Variants in PPP1R12B observed in about 807,000 individuals in gnomAD.
The protein encoded by PPP1R12B is myosin phosphatase target subunit 2.
A neutral mutation model predicts 126.1 loss-of-function variants in PPP1R12B; 76 were observed. That is an observed-to-expected ratio of 0.60 (90% confidence interval 0.50 to 0.73). The LOEUF (loss-of-function observed/expected upper bound fraction) is 0.73. PPP1R12B is among the 30% of genes least tolerant of loss of function. PPP1R12B has a pLI of 0.00. For missense variants in PPP1R12B, 1,052 were observed against 1,205.1 expected (o/e 0.87, Z 1.88); for synonymous variants, 356 against 434.7 (o/e 0.82, Z 2.25).
At chr1:202,531,896 C>T (rs1347341531) in intron 18 of PPP1R12B, among the ~76,000 whole-genome samples, 1 of 152,130 alleles carries the variant, frequency 6.6e-6, no homozygotes, top group Non-Finnish European at 1.5e-5. Context: ...AGAAAGGGTT[C>T]TTAGATCTCA....
At chr1:202,501,914 A>G in intron 18 of PPP1R12B, 1 of 984,908 alleles carries the variant, frequency 1.0e-6, no homozygotes, top group Non-Finnish European at 1.2e-6. Flanking sequence ...TGAGTGAAGG[A>G]ACGTCTTCTT....
At chr1:202,564,639 A>T in intron 21 of PPP1R12B, 92 bp downstream of exon 21, 1 of 1,041,202 alleles carries the variant, frequency 9.6e-7, no homozygotes, top group Non-Finnish European at 1.4e-6. Flanking sequence ...GAAGTAAGAT[A>T]GAGTCAAGAT....
At chr1:202,563,634 A>G (rs1303159574) in intron 20 of PPP1R12B, among the ~76,000 whole-genome samples, 1 of 151,848 alleles carries the variant, frequency 6.6e-6, no homozygotes, top group Non-Finnish European at 1.5e-5. Context: ...AGTAAAAAAA[A>G]AAAAAAAAAA....
At position 202,440,768 on chromosome 1, in the gene PPP1R12B, T is replaced by C. The variant is rs1009113360; in HGVS notation, c.1521T>C (p.Asp507=). ...CCCGGAAGCTCAACAGCACAAGTGA[T>C]ATTGAAGAAAAGGAGAACAGGTAAT... The part of the protein sequence containing the change: ...LAPRKLNSTS[D]IEEKENRESA... Residue 507 remains aspartate (D), a synonymous_variant, in exon 11 of 24, where the codon GAT becomes GAC. Coordinates refer to ENST00000608999, the MANE Select transcript of PPP1R12B (RefSeq NM_002481.4). 4 of 1,613,888 alleles carry C rather than the reference T, an allele frequency of 2.5e-6. No individual in the cohort carries two copies. Among genetic ancestry groups the C allele is most frequent in the South Asian group, 1.1e-5 (1 of 91,068 alleles).
Position 202,482,528 on chromosome 1 carries a change from A to G in PPP1R12B, c.1851-6005A>G, listed in dbSNP as rs368137100. Among the ~76,000 whole-genome samples, 6 of 152,268 alleles carry G rather than the reference A, an allele frequency of 3.9e-5. No homozygotes were observed. The South Asian group carries it at 1.2e-3, about 32-fold the overall frequency. Reference sequence around the variant, plus strand: ...TTTCATATACTCATTAGCCATTTGTATGACTTCTTTTGAGAAGTAAATGTC... The same window carrying G: ...TTTCATATACTCATTAGCCATTTGTGTGACTTCTTTTGAGAAGTAAATGTC... On this transcript the variant is annotated intron_variant, in intron 13 of 23. Transcript: ENST00000608999.
chr1:202,590,132 AC>A lies in PPP1R12B; in HGVS notation c.*9573del, dbSNP rs2149055352. 6.6e-6 allele frequency: 1 copy of A among 152,330 alleles called. No homozygotes were observed. The highest frequency in any genetic ancestry group is 1.5e-5 in the Non-Finnish European group (1 of 68,038). The allele number at this position is 152,330 out of a possible 1,614,324, so 9.4% of individuals were successfully genotyped here. On this transcript the variant is annotated 3_prime_UTR_variant, in exon 24 of 24. Coordinates refer to ENST00000608999, the MANE Select transcript of PPP1R12B (RefSeq NM_002481.4). ...ATTTCAAGTTATTTGCAAAGAGTCA[AC>A]TGAGGACTTTGTAGAAATTGTTACT...
intron 23 of PPP1R12B, among the ~76,000 whole-genome samples, chr1:202,572,408 G>T (rs1688688358): frequency 6.6e-6 from 1 of 152,170 alleles, no homozygotes; most frequent in Non-Finnish European, 1.5e-5. Context: ...AAGTACAAAG[G>T]CCAGGTGAAA....
At chr1:202,389,664 C>A (rs1296575114) in intron 1 of PPP1R12B, among the ~76,000 whole-genome samples, 1 of 150,938 alleles carries the variant, frequency 6.6e-6, no homozygotes, top group African/African-American at 2.4e-5. Flanking sequence ...GAAGGCCGGG[C>A]GAGGTGGCTA....
At chr1:202,489,222 A>T (rs1678552453) in intron 14 of PPP1R12B, among the ~76,000 whole-genome samples, 1 of 152,224 alleles carries the variant, frequency 6.6e-6, no homozygotes, top group Non-Finnish European at 1.5e-5. Flanking sequence ...CCTTCACAAG[A>T]TTAATTATTC....
chr1:202,563,626 TAAAAA>T (rs56149958), intron 20 of PPP1R12B, among the ~76,000 whole-genome samples: 1 of 120,390 alleles, frequency 8.3e-6, no homozygotes. Context: ...TTGGTGTTAG[TAAAAA>T]AAAAAAAAAA....
Position 202,434,061 on chromosome 1 carries a change from A to G in PPP1R12B, c.1142-595A>G, listed in dbSNP as rs943002762. 3.9e-5 allele frequency among the ~76,000 whole-genome samples: 6 copies of G among 152,248 alleles called. No individual in the cohort carries two copies. In the East Asian group the frequency reaches 1.2e-3, roughly 29 times the overall value. ...AGGATTCACTAGTAAGACACACTGT[A>G]TCTAGTTCAGGGAATTACAATAAAA... On this transcript the variant is annotated intron_variant, in intron 8 of 23. Transcript: ENST00000608999.
Position 202,348,977 on chromosome 1 carries a change from G to T in PPP1R12B, c.126G>T (p.Gly42=), listed in dbSNP as rs907513716. 6.2e-7 allele frequency: 1 copy of T among 1,602,964 alleles called. No homozygotes were observed. Among genetic ancestry groups the T allele is most frequent in the South Asian group, 1.1e-5 (1 of 89,810 alleles). ...EQEPAERRGA[G]RQPLTRRGSP... Reference sequence around the variant, plus strand: ...AGCCTGCGGAGCGACGAGGCGCGGGGCGGCAGCCGCTGACCAGGCGCGGGA... The same window carrying T: ...AGCCTGCGGAGCGACGAGGCGCGGGTCGGCAGCCGCTGACCAGGCGCGGGA... Residue 42 remains glycine (G), a synonymous_variant, in exon 1 of 24, where the codon GGG becomes GGT. Coordinates refer to ENST00000608999, the MANE Select transcript of PPP1R12B (RefSeq NM_002481.4).
chr1:202,515,709 A>T (rs952886003), intron 18 of PPP1R12B, among the ~76,000 whole-genome samples: 7 of 152,168 alleles, frequency 4.6e-5, no homozygotes, highest in Non-Finnish European at 1.0e-4. Flanking sequence ...GTGTGCCACC[A>T]TGCCCAGCTA....
At chr1:202,448,082 C>T (rs1030540607) in intron 12 of PPP1R12B, among the ~76,000 whole-genome samples, 3 of 150,516 alleles carry the variant, frequency 2.0e-5, no homozygotes, top group South Asian at 2.1e-4. Flanking sequence ...TAGAGCTACC[C>T]GTGAACATTT....
At chr1:202,393,706 A>G (rs1048072534) in intron 1 of PPP1R12B, among the ~76,000 whole-genome samples, 1 of 152,216 alleles carries the variant, frequency 6.6e-6, no homozygotes. Flanking sequence ...CTAAATTTAT[A>G]TAAATGGGGG....
intron 18 of PPP1R12B, among the ~76,000 whole-genome samples, chr1:202,533,944 A>G (rs1464455981): frequency 6.6e-6 from 1 of 152,152 alleles, no homozygotes; most frequent in African/African-American, 2.4e-5. Flanking sequence ...ACTACTTTGA[A>G]CATCCATTAA....
At chr1:202,471,645 T>G (rs1372663828) in intron 13 of PPP1R12B, among the ~76,000 whole-genome samples, 3 of 151,692 alleles carry the variant, frequency 2.0e-5, no homozygotes, top group Non-Finnish European at 4.4e-5. Flanking sequence ...TTTCTCATTT[T>G]AATTTGCATT....
At chr1:202,546,522 T>C (rs1442908853) in intron 18 of PPP1R12B, among the ~76,000 whole-genome samples, 1 of 152,036 alleles carries the variant, frequency 6.6e-6, no homozygotes, top group Non-Finnish European at 1.5e-5. Flanking sequence ...GAGAATAGCT[T>C]GAGCTCAGGA....
chr1:202,570,349 C>G (rs1157996470), intron 23 of PPP1R12B, among the ~76,000 whole-genome samples: 1 of 152,046 alleles, frequency 6.6e-6, no homozygotes, highest in Non-Finnish European at 1.5e-5. Flanking sequence ...ATAGTTTACA[C>G]CAGATCTGGT....
Sources: allele counts gnomAD v4.1 joint callset (sites outside exome capture counted in the v4.1 genomes callset), GRCh38; gene constraint gnomAD v4.1.1; transcripts MANE v1.5; gene names NCBI Gene and HGNC (gene_info 2026-07-23, HGNC 2026-07-21).